The following BLTP3B variants were observed in gnomAD, a reference collection of about 807,000 sequenced individuals.
BLTP3B encodes UHRF1 (ICBP90) binding protein 1-like.
chr12:100,112,355 G>T, the BLTP3B span, among the ~76,000 whole-genome samples: 34,270 of 151,824 alleles, frequency 0.23, 5,086 homozygotes, highest in African/African-American at 0.42. Flanking sequence ...ATTTAAAAAA[G>T]AATTAGCCAG....
chr12:100,050,414 C>A, the BLTP3B span: 1 of 1,139,448 alleles, frequency 8.8e-7, no homozygotes, highest in Non-Finnish European at 1.2e-6. Context: ...TCTAAAAATA[C>A]AATTGTGACC....
chr12:100,058,773 A>G, the BLTP3B span: 2 of 1,614,022 alleles, frequency 1.2e-6, no homozygotes, highest in Non-Finnish European at 1.7e-6. Flanking sequence ...TGAAAGCAGG[A>G]TAAGTGACTC....
chr12:100,124,951 T>G, the BLTP3B span, among the ~76,000 whole-genome samples: 1 of 58,036 alleles, frequency 1.7e-5, no homozygotes, highest in Non-Finnish European at 3.6e-5. Context: ...TATATATATA[T>G]ATATATATAT....
At chr12:100,106,616 G>A in the BLTP3B span, among the ~76,000 whole-genome samples, 2 of 152,144 alleles carry the variant, frequency 1.3e-5, no homozygotes, top group Non-Finnish European at 2.9e-5. Flanking sequence ...GTAGGGGTAG[G>A]AGAGGGATGA....
chr12:100,087,081 C>T, the BLTP3B span, among the ~76,000 whole-genome samples: 22 of 145,098 alleles, frequency 1.5e-4, no homozygotes, highest in Non-Finnish European at 2.8e-4. Context: ...ATCGCTTGAA[C>T]CTGGGAGGCA....
At chr12:100,062,610 T>C in the BLTP3B span, among the ~76,000 whole-genome samples, 1 of 152,178 alleles carries the variant, frequency 6.6e-6, no homozygotes, top group Non-Finnish European at 1.5e-5. Flanking sequence ...GAAAAAAAAG[T>C]ACAGATTATA....
chr12:100,048,858 A>T, the BLTP3B span, among the ~76,000 whole-genome samples: 182 of 151,746 alleles, frequency 1.2e-3, 7 homozygotes, highest in East Asian at 0.031. Flanking sequence ...CAAAAAATTT[A>T]TAGATGGCCT....
chr12:100,066,407 T>C, the BLTP3B span, among the ~76,000 whole-genome samples: 3 of 148,628 alleles, frequency 2.0e-5, no homozygotes, highest in African/African-American at 4.9e-5. Context: ...ATGAGATAGA[T>C]AGCAACACAA....
At chr12:100,108,587 G>T in the BLTP3B span, 1 of 1,535,490 alleles carries the variant, frequency 6.5e-7, no homozygotes. Context: ...TTATGTGTCA[G>T]TTACTATACT....
chr12:100,088,933 T>A, the BLTP3B span: 1 of 1,573,298 alleles, frequency 6.4e-7, no homozygotes, highest in Non-Finnish European at 8.6e-7. Flanking sequence ...TTAGCATGAA[T>A]GTCATCACAT....
At chr12:100,141,569 TA>T in the BLTP3B span, among the ~76,000 whole-genome samples, 3 of 152,186 alleles carry the variant, frequency 2.0e-5, no homozygotes, top group Admixed American at 6.6e-5. Flanking sequence ...TCCCAATATA[TA>T]ACCTGTGGTA....
chr12:100,139,373 T>C, the BLTP3B span, among the ~76,000 whole-genome samples: 10 of 152,224 alleles, frequency 6.6e-5, no homozygotes, highest in Non-Finnish European at 7.3e-5. Context: ...AACTGCACTA[T>C]ATTTCAACCT....
the BLTP3B span, among the ~76,000 whole-genome samples, chr12:100,101,860 G>A: frequency 6.6e-6 from 1 of 152,212 alleles, no homozygotes; most frequent in Non-Finnish European, 1.5e-5. Context: ...CTGCAGTGCA[G>A]TGGCATGAGC....
chr12:100,065,760 GCCCTTTGCCTTGTGATCTTTGCTTTA>G, the BLTP3B span, among the ~76,000 whole-genome samples: 13 of 152,202 alleles, frequency 8.5e-5, no homozygotes, highest in African/African-American at 2.6e-4. Flanking sequence ...TTTTGATTTT[GCCCTTTGCCTTGTGATCTTTGCTTTA>G]CCCTTTGCCT....
At chr12:100,076,294 C>A in the BLTP3B span, among the ~76,000 whole-genome samples, 1 of 150,616 alleles carries the variant, frequency 6.6e-6, no homozygotes, top group Non-Finnish European at 1.5e-5. Context: ...TTTTTCCATT[C>A]ATCATTCAAT....
At chr12:100,133,701 T>G in the BLTP3B span, among the ~76,000 whole-genome samples, 1 of 152,210 alleles carries the variant, frequency 6.6e-6, no homozygotes, top group Admixed American at 6.5e-5. Context: ...GATTCTAGTA[T>G]GCTAATATTG....
the BLTP3B span, among the ~76,000 whole-genome samples, chr12:100,078,848 G>A: frequency 6.6e-6 from 1 of 152,008 alleles, no homozygotes; most frequent in Non-Finnish European, 1.5e-5. Context: ...CACGTGTTGT[G>A]TGAGGAACCT....
chr12:100,065,538 T>A, the BLTP3B span, among the ~76,000 whole-genome samples: 31 of 152,284 alleles, frequency 2.0e-4, no homozygotes, highest in Non-Finnish European at 3.5e-4. Flanking sequence ...AAATGGCCTC[T>A]CTGGAAGTGT....
chr12:100,106,784 C>T, the BLTP3B span, among the ~76,000 whole-genome samples: 64 of 152,230 alleles, frequency 4.2e-4, no homozygotes, highest in Non-Finnish European at 6.8e-4. Flanking sequence ...AGTGTCAAGT[C>T]TTTGTAGATA....
Sources: gnomAD v4.1 joint callset for allele counts (sites outside exome capture counted in the v4.1 genomes callset) on GRCh38, gnomAD v4.1.1 for gene constraint, MANE v1.5 for transcripts, NCBI Gene and HGNC (gene_info 2026-07-23, HGNC 2026-07-21) for gene names.